EIF4G3: variants seen among roughly 807,000 people sequenced by gnomAD.
EIF4G3 encodes eIF-4-gamma 3.
Under a neutral mutation model 186.4 loss-of-function variants are expected in EIF4G3, and 34 were observed. That is an observed-to-expected ratio of 0.18 (90% confidence interval 0.14 to 0.24). The LOEUF (loss-of-function observed/expected upper bound fraction) is 0.24. Among genes scored for constraint, EIF4G3 ranks in the 10% least tolerant of loss-of-function variants. The probability of loss-of-function intolerance (pLI) is 1.00; values close to 1 mark genes in which losing one functional copy is unlikely to be tolerated. For missense variants in EIF4G3, 1,536 were observed against 1,948.5 expected, an observed-to-expected ratio of 0.79 and a Z score of 3.99; for synonymous variants, 673 against 679.5, an observed-to-expected ratio of 0.99 and a Z score of 0.15.
chr1:21,173,540 T>A (rs2098034691), intron 2 of EIF4G3, among the ~76,000 whole-genome samples: 1 of 151,846 alleles, frequency 6.6e-6, no homozygotes, highest in Non-Finnish European at 1.5e-5. Flanking sequence ...TACAAAAAAT[T>A]ACCTGGACCT....
intron 18 of EIF4G3, among the ~76,000 whole-genome samples, chr1:20,888,762 AG>A: frequency 6.6e-6 from 1 of 152,332 alleles, no homozygotes; most frequent in Admixed American, 6.5e-5. Context: ...AAGGATCAAA[AG>A]GAACTTTTAA....
chr1:20,914,580 C>A lies in EIF4G3; in HGVS notation c.1664-9609G>T, dbSNP rs939254573. Reference sequence around the variant, plus strand: ...AAACCCATTTTGGACTTCTGACATCCAAAACTGTAAGATAATTAATGTGTA... The same window carrying A: ...AAACCCATTTTGGACTTCTGACATCAAAAACTGTAAGATAATTAATGTGTA... On this transcript the variant is annotated intron_variant, in intron 14 of 36. Transcript: ENST00000602326. Among the ~76,000 whole-genome samples, 6 of 152,216 alleles carry A rather than the reference C, an allele frequency of 3.9e-5. No individual in the cohort carries two copies. The East Asian group carries it at 9.7e-4, about 25-fold the overall frequency.
intron 29 of EIF4G3, chr1:20,847,702 A>G: frequency 2.3e-6 from 1 of 434,080 alleles, no homozygotes; most frequent in Admixed American, 2.8e-5. Context: ...ATTTTCCAGG[A>G]GGCTAACTGA....
At chr1:21,026,166 T>C (rs2092052105) in intron 4 of EIF4G3, among the ~76,000 whole-genome samples, 1 of 151,690 alleles carries the variant, frequency 6.6e-6, no homozygotes, top group African/African-American at 2.4e-5. Context: ...TCTGCAAAAA[T>C]GAAAAGTGCA....
chr1:20,981,393 C>T, intron 8 of EIF4G3, 166 bp from the exon 9 acceptor site: 3 of 584,256 alleles, frequency 5.1e-6, no homozygotes, highest in Non-Finnish European at 8.8e-6. Flanking sequence ...CAAAAATATA[C>T]CACACTAGGG....
chr1:21,080,309 C>A (rs965639874), intron 3 of EIF4G3, among the ~76,000 whole-genome samples: 2 of 133,936 alleles, frequency 1.5e-5, no homozygotes, highest in African/African-American at 5.2e-5. Flanking sequence ...GAGAGAGACA[C>A]TGTCTCAACA....
chr1:21,027,267 C>A (rs113731850), intron 4 of EIF4G3, among the ~76,000 whole-genome samples: 4,830 of 148,938 alleles, frequency 0.032, 274 homozygotes, highest in African/African-American at 0.11. Flanking sequence ...ATCTCAGCTC[C>A]CTGCAACCTC....
At chr1:20,907,512 G>A (rs1313187774) in intron 14 of EIF4G3, among the ~76,000 whole-genome samples, 2 of 151,354 alleles carry the variant, frequency 1.3e-5, no homozygotes, top group African/African-American at 4.9e-5. Flanking sequence ...TTTAGCATTA[G>A]GTATATCTCC....
At chr1:20,829,120 A>T in intron 31 of EIF4G3, 27 bp downstream of exon 31, 3 of 1,611,604 alleles carry the variant, frequency 1.9e-6, no homozygotes, top group Non-Finnish European at 2.5e-6. Context: ...TACCTGATAT[A>T]TATCAAGAGA....
At chr1:20,815,789 G>GC (rs1291119903) in intron 34 of EIF4G3, among the ~76,000 whole-genome samples, 1 of 122,890 alleles carries the variant, frequency 8.1e-6, no homozygotes, top group African/African-American at 3.6e-5. Flanking sequence ...GGGGGGGTCA[G>GC]CCCCCCACCC....
intron 2 of EIF4G3, among the ~76,000 whole-genome samples, chr1:21,118,728 G>C (rs1174519466): frequency 6.6e-6 from 1 of 151,388 alleles, no homozygotes; most frequent in Admixed American, 6.6e-5. Context: ...AGCGGTTGCA[G>C]TGAGGCAAGA....
At chr1:21,013,257 G>A (rs187092751) in intron 4 of EIF4G3, among the ~76,000 whole-genome samples, 64 of 151,912 alleles carry the variant, frequency 4.2e-4, no homozygotes, top group Middle Eastern at 3.4e-3. Context: ...ATGCCCCATC[G>A]AGAAAAAGCC....
intron 3 of EIF4G3, among the ~76,000 whole-genome samples, chr1:21,053,375 T>C (rs1209666123): frequency 7.4e-6 from 1 of 134,782 alleles, no homozygotes; most frequent in African/African-American, 2.8e-5. Flanking sequence ...GAGGTGGGGG[T>C]CAGCCCCCCG....
At chr1:20,829,011 G>A in intron 31 of EIF4G3, 136 bp downstream of exon 31, 1 of 901,328 alleles carries the variant, frequency 1.1e-6, no homozygotes, top group South Asian at 1.8e-5. Flanking sequence ...ACTGAAATCA[G>A]AAGTCTTAAA....
At chr1:20,937,960 T>C (rs1400128763) in intron 14 of EIF4G3, among the ~76,000 whole-genome samples, 1 of 152,116 alleles carries the variant, frequency 6.6e-6, no homozygotes, top group Non-Finnish European at 1.5e-5. Context: ...CAAATTCTAA[T>C]TTTACAGAGC....
At chr1:21,067,131 C>CTTT (rs1392802757) in intron 3 of EIF4G3, among the ~76,000 whole-genome samples, 13 of 122,650 alleles carry the variant, frequency 1.1e-4, no homozygotes, top group Non-Finnish European at 1.5e-4. Flanking sequence ...TTTTTCTTTT[C>CTTT]TTTTTTTTTT....
intron 20 of EIF4G3, among the ~76,000 whole-genome samples, chr1:20,870,842 G>A (rs575040129): frequency 3.3e-5 from 5 of 152,264 alleles, no homozygotes; most frequent in African/African-American, 1.2e-4. Context: ...AGTTGAACTA[G>A]CAGAAGCAGC....
chr1:21,124,107 A>G (rs998357855), intron 2 of EIF4G3, among the ~76,000 whole-genome samples: 4 of 152,116 alleles, frequency 2.6e-5, no homozygotes, highest in Admixed American at 2.6e-4. Flanking sequence ...CCTAGCCAAC[A>G]TGATGAAACC....
intron 33 of EIF4G3, 76 bp downstream of exon 33, chr1:20,825,024 G>A (rs889033313): frequency 1.6e-5 from 15 of 925,056 alleles, no homozygotes; most frequent in East Asian, 8.0e-5. Context: ...ACTGGAATAC[G>A]AAGGAAATTA....
Sources: gnomAD v4.1 joint callset for allele counts (sites outside exome capture counted in the v4.1 genomes callset) on GRCh38, gnomAD v4.1.1 for gene constraint, MANE v1.5 for transcripts, NCBI Gene and HGNC (gene_info 2026-07-23, HGNC 2026-07-21) for gene names.